The following MLLT1 variants were observed in gnomAD, a reference collection of about 807,000 sequenced individuals.
MLLT1 encodes protein ENL.
MLLT1 carries 11 observed loss-of-function variants against 55.1 expected under a neutral mutation model. The observed-to-expected ratio is 0.20, with a 90% CI of 0.13 to 0.33. The LOEUF is 0.33. Among genes scored for constraint, MLLT1 ranks in the 10% least tolerant of loss-of-function variants. MLLT1 has a pLI of 1.00. For missense variants in MLLT1, 536 were observed against 760.6 expected, an observed-to-expected ratio of 0.70 and a Z score of 3.47; for synonymous variants, 323 against 320.1, an observed-to-expected ratio of 1.01 and a Z score of -0.10.
chr19:6,259,980 T>C (rs188912960), intron 3 of MLLT1, among the ~76,000 whole-genome samples: 69 of 152,220 alleles, frequency 4.5e-4, no homozygotes, highest in Non-Finnish European at 7.9e-4. Context: ...TTACCATGGG[T>C]TGCTGGAAGT....
At chr19:6,213,470 C>T (rs896624739) in intron 10 of MLLT1, 62 bp from the exon 11 acceptor site, 3 of 1,344,572 alleles carry the variant, frequency 2.2e-6, no homozygotes, top group Admixed American at 1.7e-5. Flanking sequence ...TGCTCCCATG[C>T]CCAGCCCCAC....
At chr19:6,220,416 C>T (rs2090886942) in intron 6 of MLLT1, among the ~76,000 whole-genome samples, 1 of 152,368 alleles carries the variant, frequency 6.6e-6, no homozygotes, top group African/African-American at 2.4e-5. Flanking sequence ...ACGCGGGGCG[C>T]TCTTCTTCGG....
At position 6,212,952 on chromosome 19, in the gene MLLT1, C is replaced by CGGGCA; in HGVS notation, c.*85_*89dup. On this transcript the variant is annotated 3_prime_UTR_variant, in exon 12 of 12. Transcript: ENST00000252674. ...CAGGGCTGTCGCTAAGGCAGTGCTG[C>CGGGCA]GGGCAGGCGAGACGGGAGAGGAGGG... The CGGGCA allele has an allele frequency of 6.6e-7, 1 of 1,506,494 alleles. No individual in the cohort carries two copies. Among genetic ancestry groups the CGGGCA allele is most frequent in the East Asian group, 2.3e-5 (1 of 44,042 alleles). 93.3% of individuals were successfully genotyped at this position (1,506,494 alleles called of 1,614,324 possible).
In MLLT1 at chr19:6,218,061, G is replaced by A. The variant is rs1455272338; in HGVS notation, c.1111-20C>T. The A allele has an allele frequency of 6.3e-7, 1 of 1,593,034 alleles. No individual in the cohort carries two copies. The highest frequency in any genetic ancestry group is 1.1e-5 in the South Asian group (1 of 88,864). ...GGCAGACTTCACCCAATGGTGGGAT[G>A]GGCAGGGAGGGGAGAAAGGGAGAGC... On this transcript the variant is annotated intron_variant, in intron 6 of 11. Transcript: ENST00000252674.
At position 6,219,161 on chromosome 19, in the gene MLLT1, G is replaced by C. The variant is rs1266452977; in HGVS notation, c.1111-1120C>G. Among the ~76,000 whole-genome samples the C allele has an allele frequency of 6.6e-6, 1 of 152,130 alleles. No homozygotes were observed. Among genetic ancestry groups the C allele is most frequent in the Admixed American group, 6.5e-5 (1 of 15,278 alleles). ...AGAAGGGTCCCCACGAAAGCCCAAGGCCTCCCCAAGCAGCAGGTCCAGACT... is the reference window on the plus strand; with the variant it reads ...AGAAGGGTCCCCACGAAAGCCCAAGCCCTCCCCAAGCAGCAGGTCCAGACT... On this transcript the variant is annotated intron_variant, in intron 6 of 11. Coordinates refer to ENST00000252674, the MANE Select transcript of MLLT1 (RefSeq NM_005934.4). This position sits in a 1 kb window ranked among gnomAD's most constrained non-coding sequence, Gnocchi z 4.5.
chr19:6,251,162 TAGA>T (rs1157300134), intron 3 of MLLT1, among the ~76,000 whole-genome samples: 3 of 152,190 alleles, frequency 2.0e-5, no homozygotes, highest in African/African-American at 4.8e-5. Context: ...GCTCTGGAAC[TAGA>T]AGGAGACGGC....
At chr19:6,269,749 C>T (rs2091380125) in intron 2 of MLLT1, among the ~76,000 whole-genome samples, 1 of 152,200 alleles carries the variant, frequency 6.6e-6, no homozygotes, top group African/African-American at 2.4e-5. Context: ...AGAGGGGTCA[C>T]CAGCCCAGCC....
rs1040701609 is a variant in MLLT1 at position 6,262,352 on chromosome 19, T to C, written c.194-42A>G. 3.8e-6 allele frequency: 6 copies of C among 1,560,796 alleles called. No individual in the cohort carries two copies. In the Admixed American group the frequency reaches 6.7e-5, roughly 17 times the overall value. On this transcript the variant is annotated intron_variant, in intron 2 of 11. Coordinates refer to ENST00000252674, the MANE Select transcript of MLLT1 (RefSeq NM_005934.4). This position sits in a 1 kb window ranked among gnomAD's most constrained non-coding sequence, Gnocchi z 4.4. The stretch of plus-strand genomic sequence containing the variant: ...GAAACACACCCATCAGCCTCCTGCC[T>C]GTTTCAGGCCCAGCTGCCAGCGGCA...
Position 6,211,273 on chromosome 19 carries a change from C to T in MLLT1, c.*1769G>A. The T allele has an allele frequency of 4.3e-6, 1 of 232,730 alleles. No homozygotes were observed. The highest frequency in any genetic ancestry group is 8.5e-6 in the Non-Finnish European group (1 of 117,622). 14.4% of individuals were successfully genotyped at this position (232,730 alleles called of 1,614,324 possible). ...CGCCCTGGGAAGGGGAGAGGGGGCA[C>T]AGGGGCCTGCCCTCTTCCTGATACC... On this transcript the variant is annotated 3_prime_UTR_variant, in exon 12 of 12. Coordinates refer to ENST00000252674, the MANE Select transcript of MLLT1 (RefSeq NM_005934.4). This position sits in a 1 kb window ranked among gnomAD's most constrained non-coding sequence, Gnocchi z 4.6.
chr19:6,257,837 T>C (rs2091271365), intron 3 of MLLT1, among the ~76,000 whole-genome samples: 1 of 152,062 alleles, frequency 6.6e-6, no homozygotes, highest in Non-Finnish European at 1.5e-5. Flanking sequence ...TGGATATATC[T>C]AGACATTTCT....
chr19:6,227,176 G>A lies in MLLT1; in HGVS notation c.421-74C>T. The A allele has an allele frequency of 6.7e-7, 1 of 1,483,290 alleles. No individual in the cohort carries two copies. The highest frequency in any genetic ancestry group is 9.1e-7 in the Non-Finnish European group (1 of 1,104,668). The allele number at this position is 1,483,290 out of a possible 1,614,324, so 91.9% of individuals were successfully genotyped here. On this transcript the variant is annotated intron_variant, in intron 4 of 11. Transcript: ENST00000252674. This position sits in a 1 kb window ranked among gnomAD's most constrained non-coding sequence, Gnocchi z 5.1. The stretch of plus-strand genomic sequence containing the variant: ...GCCCACACGGGCCGGGCTGAAGGTG[G>A]TGGGGCTTCCCTCTGCAGGAGGGGA...
At chr19:6,232,092 C>T (rs1410705501) in intron 3 of MLLT1, among the ~76,000 whole-genome samples, 5 of 152,164 alleles carry the variant, frequency 3.3e-5, no homozygotes, top group African/African-American at 7.2e-5. Context: ...AAAAATTAGC[C>T]GAGCATGGTG....
chr19:6,217,719 G>T (rs781544364), intron 7 of MLLT1, among the ~76,000 whole-genome samples: 2 of 152,204 alleles, frequency 1.3e-5, no homozygotes, highest in African/African-American at 2.4e-5. Flanking sequence ...CCAGGCACGG[G>T]GTGCATGCCA....
chr19:6,262,576 T>C lies in MLLT1; in HGVS notation c.194-266A>G, dbSNP rs1388655500. ...CAGAGAGTGAGAAGGAACGTTAGCC[T>C]GTCATCGGGATACTTGCTCCTGCAG... is the stretch of plus-strand genomic sequence containing the variant. On this transcript the variant is annotated intron_variant, in intron 2 of 11. Coordinates refer to ENST00000252674, the MANE Select transcript of MLLT1 (RefSeq NM_005934.4). This position sits in a 1 kb window ranked among gnomAD's most constrained non-coding sequence, Gnocchi z 4.4. Among the ~76,000 whole-genome samples, 1 of 152,124 alleles carries C rather than the reference T, an allele frequency of 6.6e-6. No individual in the cohort carries two copies. The highest frequency in any genetic ancestry group is 1.5e-5 in the Non-Finnish European group (1 of 68,006).
chr19:6,275,275 GA>G lies in MLLT1; in HGVS notation c.12+4497del, dbSNP rs557612110. On this transcript the variant is annotated intron_variant, in intron 1 of 11. Transcript: ENST00000252674. ...TGCATCTAATTCCCTCGGAGGCAAC[GA>G]TCCCCTCCCATCCCAGGAGAGGAGA... is the stretch of plus-strand genomic sequence containing the variant. Among the ~76,000 whole-genome samples the G allele has an allele frequency of 1.1e-3, 167 of 152,256 alleles. 2 individuals are homozygous for G. Among genetic ancestry groups the G allele is most frequent in the African/African-American group, 3.8e-3 (158 of 41,544 alleles).
intron 1 of MLLT1, among the ~76,000 whole-genome samples, chr19:6,272,112 C>T (rs939561486): frequency 7.3e-5 from 11 of 151,224 alleles, no homozygotes; most frequent in Admixed American, 5.3e-4. Context: ...AAGCTTTCCA[C>T]GGCTTGTCAC....
At chr19:6,244,077 C>T (rs879675311) in intron 3 of MLLT1, among the ~76,000 whole-genome samples, 1 of 150,656 alleles carries the variant, frequency 6.6e-6, no homozygotes, top group Non-Finnish European at 1.5e-5. Context: ...AAGTCAATCT[C>T]GCTTCTTAAG....
intron 8 of MLLT1, among the ~76,000 whole-genome samples, chr19:6,214,483 C>T (rs1444515413): frequency 1.3e-5 from 2 of 152,206 alleles, no homozygotes; most frequent in African/African-American, 4.8e-5. Flanking sequence ...CTGGTTTGCT[C>T]TGGACAGCAG....
At chr19:6,258,417 A>G (rs2091276348) in intron 3 of MLLT1, among the ~76,000 whole-genome samples, 1 of 152,146 alleles carries the variant, frequency 6.6e-6, no homozygotes, top group South Asian at 2.1e-4. Flanking sequence ...AGAAAGGTTG[A>G]GCTGCCCAAC....
Sources: allele counts gnomAD v4.1 joint callset (sites outside exome capture counted in the v4.1 genomes callset), GRCh38; gene constraint gnomAD v4.1.1; non-coding constraint Gnocchi (gnomAD v3.1); transcripts MANE v1.5; gene names NCBI Gene and HGNC (gene_info 2026-07-23, HGNC 2026-07-21).